TIAM1: variants seen among roughly 807,000 people sequenced by gnomAD.
TIAM1 encodes the protein TIAM Rac1 associated GEF 1.
In TIAM1, 65 loss-of-function variants were observed where a neutral mutation model predicts 163.5. That is an observed-to-expected ratio of 0.40 (90% CI 0.33 to 0.49). The LOEUF is 0.49. Among genes scored for constraint, TIAM1 ranks in the 20% least tolerant of loss-of-function variants. The pLI is 0.77. For missense variants in TIAM1, 1,789 were observed against 2,044.7 expected, an observed-to-expected ratio of 0.87 and a Z score of 2.41; for synonymous variants, 833 against 810.1, an observed-to-expected ratio of 1.03 and a Z score of -0.48.
intron 6 of TIAM1, among the ~76,000 whole-genome samples, chr21:31,231,580 C>G (rs767310081): frequency 3.9e-5 from 6 of 152,104 alleles, no homozygotes; most frequent in Non-Finnish European, 8.8e-5. Flanking sequence ...AGTTAAACAC[C>G]CTTTGAATGG....
chr21:31,143,629 T>C (rs2082966331), intron 20 of TIAM1, among the ~76,000 whole-genome samples: 1 of 152,022 alleles, frequency 6.6e-6, no homozygotes, highest in Non-Finnish European at 1.5e-5. Context: ...CATTAAACTT[T>C]TAAAATGTCT....
intron 2 of TIAM1, among the ~76,000 whole-genome samples, chr21:31,445,036 A>G (rs62223395): frequency 9.7e-6 from 1 of 102,786 alleles, no homozygotes; most frequent in African/African-American, 3.8e-5. Context: ...GAGAAGAGAA[A>G]AGAAAGAACA....
intron 1 of TIAM1, among the ~76,000 whole-genome samples, chr21:31,490,332 C>T (rs117333117): frequency 6.6e-6 from 1 of 152,098 alleles, no homozygotes; most frequent in South Asian, 2.1e-4. Flanking sequence ...GTTTAAGATA[C>T]CACACCCAAA....
intron 3 of TIAM1, 45 bp from the exon 4 acceptor site, chr21:31,267,028 T>C: frequency 6.5e-7 from 1 of 1,547,280 alleles, no homozygotes; most frequent in Non-Finnish European, 8.7e-7. Context: ...TCACTATTAG[T>C]ACAGGTATAG....
Position 31,252,136 on chromosome 21 carries a change from G to A in TIAM1, c.1017C>T (p.Ala339=). The A allele has an allele frequency of 6.2e-7, 1 of 1,611,818 alleles. No individual in the cohort carries two copies. The highest frequency in any genetic ancestry group is 1.7e-5 in the Admixed American group (1 of 60,024). The change falls in exon 5 of 28, where the codon GCC becomes GCT. Residue 339 remains alanine (A), a synonymous_variant. Coordinates refer to ENST00000541036, the MANE Select transcript of TIAM1 (RefSeq NM_001353694.2). The part of the protein sequence containing the change: ...SEFADSGIEG[A]TTDTDLLSRR... ...TGGACAGGAGGTCCGTGTCGGTAGT[G>A]GCCCCTTCAATCCCACTGTCTGCAA... is the stretch of plus-strand genomic sequence containing the variant.
chr21:31,277,497 T>C (rs2073349752), intron 2 of TIAM1, among the ~76,000 whole-genome samples: 1 of 152,042 alleles, frequency 6.6e-6, no homozygotes, highest in Admixed American at 6.5e-5. Context: ...ATACAAAAAT[T>C]ACCCAGGCAT....
chr21:31,260,700 G>GAA (rs36041797), intron 4 of TIAM1, among the ~76,000 whole-genome samples: 404 of 120,900 alleles, frequency 3.3e-3, no homozygotes, highest in African/African-American at 7.7e-3. Context: ...AAAGAGAAAA[G>GAA]AAAAAAAAAA....
intron 2 of TIAM1, among the ~76,000 whole-genome samples, chr21:31,368,234 T>C (rs2076532444): frequency 6.6e-6 from 1 of 152,102 alleles, no homozygotes; most frequent in East Asian, 1.9e-4. Context: ...CTTCCTATTT[T>C]GTTCCATAGG....
intron 2 of TIAM1, among the ~76,000 whole-genome samples, chr21:31,284,396 T>C (rs2073705432): frequency 6.6e-6 from 1 of 152,172 alleles, no homozygotes; most frequent in Admixed American, 6.5e-5. Flanking sequence ...CCCATGTAAG[T>C]TGTAGAAGCT....
chr21:31,335,786 GTC>G (rs2075819903), intron 2 of TIAM1, among the ~76,000 whole-genome samples: 1 of 152,108 alleles, frequency 6.6e-6, no homozygotes, highest in African/African-American at 2.4e-5. Context: ...TCATCTAAAT[GTC>G]TCTGTTTATA....
intron 12 of TIAM1, among the ~76,000 whole-genome samples, chr21:31,197,539 C>CT (rs58141765): frequency 0.016 from 1,953 of 123,186 alleles, 32 homozygotes; most frequent in African/African-American, 0.018. Flanking sequence ...CCGCGCCCGG[C>CT]TTTTTTTTTT....
At chr21:31,381,324 T>C (rs980535218) in intron 2 of TIAM1, among the ~76,000 whole-genome samples, 5 of 152,074 alleles carry the variant, frequency 3.3e-5, no homozygotes, top group Non-Finnish European at 7.4e-5. Flanking sequence ...GAAGAGACAC[T>C]ACCAGCCTAG....
chr21:31,439,517 T>C (rs1244914085), intron 2 of TIAM1, among the ~76,000 whole-genome samples: 1 of 152,214 alleles, frequency 6.6e-6, no homozygotes, highest in Non-Finnish European at 1.5e-5. Flanking sequence ...CTTGAACTCC[T>C]GACCTCAAGT....
chr21:31,458,766 G>A (rs1161474292), intron 2 of TIAM1, among the ~76,000 whole-genome samples: 1 of 152,114 alleles, frequency 6.6e-6, no homozygotes, highest in South Asian at 2.1e-4. Flanking sequence ...GGGAGGGAGG[G>A]GTCTGGGGAG....
At chr21:31,184,075 C>G (rs759452909) in intron 14 of TIAM1, among the ~76,000 whole-genome samples, 3 of 152,200 alleles carry the variant, frequency 2.0e-5, no homozygotes, top group Non-Finnish European at 2.9e-5. Context: ...GGTGGGACTA[C>G]AGTCATGTGC....
At chr21:31,254,292 T>A (rs942492046) in intron 4 of TIAM1, among the ~76,000 whole-genome samples, 1 of 152,232 alleles carries the variant, frequency 6.6e-6, no homozygotes, top group Non-Finnish European at 1.5e-5. Context: ...ACAAGTCTGG[T>A]TGGTGGCAGA....
chr21:31,171,601 TA>T (rs1222047710), intron 15 of TIAM1, among the ~76,000 whole-genome samples: 1 of 152,180 alleles, frequency 6.6e-6, no homozygotes, highest in Non-Finnish European at 1.5e-5. Flanking sequence ...TAAAAATCAA[TA>T]AAATGAATTA....
chr21:31,120,217 G>A lies in TIAM1; in HGVS notation c.*151C>T. 1 of 672,050 alleles carries A rather than the reference G, an allele frequency of 1.5e-6. No homozygotes were observed. Among genetic ancestry groups the A allele is most frequent in the South Asian group, 2.3e-5 (1 of 43,260 alleles). 41.6% of individuals were successfully genotyped at this position (672,050 alleles called of 1,614,324 possible). The stretch of plus-strand genomic sequence containing the variant: ...ATGTTGTTGAAAATGACAAAGTTGG[G>A]TGGCTACATGGCTTCAGAACCAAGT... On this transcript the variant is annotated 3_prime_UTR_variant, in exon 28 of 28. Transcript: ENST00000541036. This position sits in a 1 kb window ranked among gnomAD's most constrained non-coding sequence, Gnocchi z 4.2.
intron 27 of TIAM1, among the ~76,000 whole-genome samples, chr21:31,122,028 C>T (rs74863700): frequency 2.2e-4 from 34 of 152,286 alleles, no homozygotes; most frequent in African/African-American, 7.9e-4. Flanking sequence ...GAAGATGCCT[C>T]GTGTCTCAAT....
Sources: allele counts gnomAD v4.1 joint callset (sites outside exome capture counted in the v4.1 genomes callset), GRCh38; gene constraint gnomAD v4.1.1; non-coding constraint Gnocchi (gnomAD v3.1); transcripts MANE v1.5; gene names NCBI Gene and HGNC (gene_info 2026-07-23, HGNC 2026-07-21).